TRPM3: variants seen among roughly 807,000 people sequenced by gnomAD.
TRPM3 encodes the protein long transient receptor potential channel 3.
Under a neutral mutation model 181.2 loss-of-function variants are expected in TRPM3, and 77 were observed. The observed-to-expected ratio is 0.42, with a 90% confidence interval of 0.35 to 0.51. The LOEUF is 0.51. TRPM3 is among the 20% of genes least tolerant of loss of function. TRPM3 has a pLI of 0.01. For synonymous variants in TRPM3, 745 were observed against 796.4 expected (o/e 0.94, Z 1.09); for missense variants, 1,759 against 2,196.7 (o/e 0.80, Z 3.98).
chr9:70,931,949 A>G (rs1026418816), intron 1 of TRPM3, among the ~76,000 whole-genome samples: 4 of 152,214 alleles, frequency 2.6e-5, no homozygotes, highest in African/African-American at 9.6e-5. Context: ...TTCAAAACAC[A>G]TGTTTATCAA....
chr9:70,573,475 G>T (rs1301969796), intron 22 of TRPM3, among the ~76,000 whole-genome samples: 1 of 152,186 alleles, frequency 6.6e-6, no homozygotes, highest in African/African-American at 2.4e-5. Flanking sequence ...AGAAAGCTGT[G>T]TGGACAGAGA....
chr9:71,399,463 G>A (rs2093281639), intron 1 of TRPM3, among the ~76,000 whole-genome samples: 1 of 150,458 alleles, frequency 6.6e-6, no homozygotes, highest in African/African-American at 2.4e-5. Flanking sequence ...AATCTATAAA[G>A]TAAGCTATCT....
At chr9:70,654,686 G>GTTTTTT (rs112874508) in intron 9 of TRPM3, among the ~76,000 whole-genome samples, 1 of 142,256 alleles carries the variant, frequency 7.0e-6, no homozygotes. Context: ...GCACTCTGTA[G>GTTTTTT]TTTTTTTTTT....
rs1021131647 is a variant in TRPM3, at chr9:71,249,111, T to C, written c.183+197542A>G. Reference sequence around the variant, plus strand: ...TGCAGACTGTTAATAGCAAAACTCATCTGGAGGATCTTTAAAATGCTCTGA... The same window carrying C: ...TGCAGACTGTTAATAGCAAAACTCACCTGGAGGATCTTTAAAATGCTCTGA... On this transcript the variant is annotated intron_variant, in intron 1 of 24. Transcript: ENST00000357533. Among the ~76,000 whole-genome samples, 4 of 152,300 alleles carry C rather than the reference T, an allele frequency of 2.6e-5. No homozygotes were observed. The South Asian group carries it at 6.2e-4, about 24-fold the overall frequency.
chr9:71,164,000 T>C (rs2076398905), intron 1 of TRPM3, among the ~76,000 whole-genome samples: 1 of 152,120 alleles, frequency 6.6e-6, no homozygotes, highest in Non-Finnish European at 1.5e-5. Context: ...ATCCAGCAGG[T>C]TCAGAAGTAT....
At chr9:70,762,740 C>G (rs1355454354) in intron 7 of TRPM3, among the ~76,000 whole-genome samples, 1 of 152,182 alleles carries the variant, frequency 6.6e-6, no homozygotes, top group African/African-American at 2.4e-5. Flanking sequence ...ATTTCACAGG[C>G]AGGACATTTT....
chr9:71,245,268 C>T (rs557876062), intron 1 of TRPM3, among the ~76,000 whole-genome samples: 2 of 152,054 alleles, frequency 1.3e-5, no homozygotes, highest in East Asian at 1.9e-4. Flanking sequence ...CATGGCGAAA[C>T]CCCATCTCTA....
At chr9:70,957,218 C>A (rs1295267081) in intron 1 of TRPM3, among the ~76,000 whole-genome samples, 5 of 152,090 alleles carry the variant, frequency 3.3e-5, no homozygotes, top group Non-Finnish European at 7.4e-5. Context: ...CGCACTTCGG[C>A]CTCCCAAAGT....
At position 71,438,152 on chromosome 9, in the gene TRPM3, A is replaced by C. The variant is rs151003233; in HGVS notation, c.183+8501T>G. Among the ~76,000 whole-genome samples the C allele has an allele frequency of 1.2e-3, 179 of 152,348 alleles. 1 individual carries two copies. Among genetic ancestry groups the C allele is most frequent in the African/African-American group, 4.2e-3 (175 of 41,586 alleles). ...AAATACAGAATGTAGAAAACTGTGC[A>C]GGATAAGTACATTTCTCTGACAAAT... On this transcript the variant is annotated intron_variant, in intron 1 of 24. Coordinates refer to the TRPM3 transcript ENST00000357533.
At chr9:71,361,779 C>T (rs2092156554) in intron 1 of TRPM3, among the ~76,000 whole-genome samples, 1 of 152,170 alleles carries the variant, frequency 6.6e-6, no homozygotes, top group African/African-American at 2.4e-5. Flanking sequence ...GTCTATACTA[C>T]ACTGTAATTT....
chr9:71,350,501 C>T (rs1300598150), intron 1 of TRPM3, among the ~76,000 whole-genome samples: 1 of 152,196 alleles, frequency 6.6e-6, no homozygotes, highest in African/African-American at 2.4e-5. Flanking sequence ...TGAAATTATA[C>T]TTCCACCTAA....
rs1276924935 is a variant in TRPM3, at chr9:71,282,242, TGAAAGAAA to T, written c.183+164403_183+164410del. Among the ~76,000 whole-genome samples the T allele has an allele frequency of 1.1e-4, 2 of 17,544 alleles. 1 individual carries two copies. The highest frequency in any genetic ancestry group is 2.7e-4 in the Non-Finnish European group (2 of 7,472). The allele number at this position is 17,544 out of a possible 152,430, so 11.5% of individuals were successfully genotyped here. On this transcript the variant is annotated intron_variant, in intron 1 of 24. Coordinates refer to the TRPM3 transcript ENST00000357533. ...GAAAGAAAGAAAGAAAAAGAAAGAA[TGAAAGAAA>T]GAAAGAAAGGAAAGAAAGAGAGAAA...
At chr9:71,415,375 G>A (rs919363527) in intron 1 of TRPM3, among the ~76,000 whole-genome samples, 1 of 151,952 alleles carries the variant, frequency 6.6e-6, no homozygotes, top group African/African-American at 2.4e-5. Flanking sequence ...ATACTGTCAT[G>A]ATTAGATGTA....
chr9:71,246,040 C>A (rs7039499), intron 1 of TRPM3, among the ~76,000 whole-genome samples: 102,841 of 152,030 alleles, frequency 0.68, 34,892 homozygotes, highest in African/African-American at 0.69. Flanking sequence ...TGGAATTTTA[C>A]ATGTTTTACA....
chr9:71,089,005 TA>T (rs1254911447), intron 1 of TRPM3, among the ~76,000 whole-genome samples: 1 of 150,914 alleles, frequency 6.6e-6, no homozygotes, highest in African/African-American at 2.4e-5. Flanking sequence ...CTCTGAAAAA[TA>T]ATCATGGTGC....
At chr9:71,325,088 A>G (rs2132492080) in intron 1 of TRPM3, among the ~76,000 whole-genome samples, 1 of 152,220 alleles carries the variant, frequency 6.6e-6, no homozygotes, top group South Asian at 2.1e-4. Context: ...TGGGTACCTA[A>G]AATACCCTGA....
intron 1 of TRPM3, among the ~76,000 whole-genome samples, chr9:71,428,948 G>GAAAAAAA (rs34737844): frequency 1.6e-5 from 2 of 121,978 alleles, no homozygotes; most frequent in Admixed American, 8.3e-5. Context: ...TGTTTCAAAG[G>GAAAAAAA]AAAAAAAAAA....
chr9:70,598,074 T>A (rs2059325440), intron 21 of TRPM3, among the ~76,000 whole-genome samples: 1 of 152,204 alleles, frequency 6.6e-6, no homozygotes, highest in Non-Finnish European at 1.5e-5. Context: ...TACAGCATTT[T>A]TCACATGGTG....
chr9:71,206,952 A>C (rs1397208755), intron 1 of TRPM3, among the ~76,000 whole-genome samples: 19 of 152,130 alleles, frequency 1.2e-4, no homozygotes, highest in Admixed American at 7.2e-4. Flanking sequence ...CATGAACCTA[A>C]GGCTACCTTA....
Sources: allele counts gnomAD v4.1 joint callset (sites outside exome capture counted in the v4.1 genomes callset), GRCh38; gene constraint gnomAD v4.1.1; transcripts MANE v1.5; gene names NCBI Gene and HGNC (gene_info 2026-07-23, HGNC 2026-07-21).